Variants in IL1RAPL2 observed in about 807,000 individuals in gnomAD.
IL1RAPL2 encodes interleukin 1 receptor accessory protein like 2.
IL1RAPL2 carries 3 observed loss-of-function variants against 44.1 expected under a neutral mutation model. That is an observed-to-expected ratio of 0.07 (90% CI 0.03 to 0.18). The LOEUF (loss-of-function observed/expected upper bound fraction) is 0.18, where lower values mean the gene tolerates loss of function less well. Ranked by LOEUF, IL1RAPL2 falls within the 10% of genes least tolerant of loss-of-function variation. The pLI is 1.00. For synonymous variants in IL1RAPL2, 181 were observed against 178.8 expected, an observed-to-expected ratio of 1.01 and a Z score of -0.10; for missense variants, 391 against 496.4, an observed-to-expected ratio of 0.79 and a Z score of 2.02.
At chrX:105,429,011 C>A (rs934751078) in intron 5 of IL1RAPL2, among the ~76,000 whole-genome samples, 1 of 111,362 alleles carries the variant, frequency 9.0e-6, no homozygotes, top group Non-Finnish European at 1.9e-5. Flanking sequence ...CCGGAAATAT[C>A]TTGATCTGAA....
At chrX:104,731,454 A>ATGCAGTGGCGCAGTCTCTACTCAC (rs1330391891) in intron 2 of IL1RAPL2, among the ~76,000 whole-genome samples, 3 of 103,087 alleles carry the variant, frequency 2.9e-5, no homozygotes, top group African/African-American at 1.3e-4. Context: ...GCAGGCTGGA[A>ATGCAGTGGCGCAGTCTCTACTCAC]TGCAGTGGCG....
At chrX:104,835,767 G>A (rs998395891) in intron 2 of IL1RAPL2, among the ~76,000 whole-genome samples, 1 of 112,045 alleles carries the variant, frequency 8.9e-6, no homozygotes, top group African/African-American at 3.2e-5. Context: ...TACCTAAAAT[G>A]TTAACAGTGC....
At chrX:105,764,522 T>G (rs181308210) in intron 10 of IL1RAPL2, among the ~76,000 whole-genome samples, 1 of 112,255 alleles carries the variant, frequency 8.9e-6, no homozygotes, top group Non-Finnish European at 1.9e-5. Context: ...TGTATAGATA[T>G]AGCTTTAGTT....
chrX:105,227,937 T>A, intron 3 of IL1RAPL2, among the ~76,000 whole-genome samples: 1 of 112,053 alleles, frequency 8.9e-6, no homozygotes, highest in Non-Finnish European at 1.9e-5. Flanking sequence ...ATATTCTTTT[T>A]TCCCCCTTAT....
chrX:104,669,139 C>T (rs1338492658), intron 2 of IL1RAPL2, among the ~76,000 whole-genome samples: 1 of 111,487 alleles, frequency 9.0e-6, no homozygotes, highest in Non-Finnish European at 1.9e-5. Context: ...TTGTGCATTT[C>T]GCCCTCCCCA....
chrX:105,390,162 AC>A (rs1223756663), intron 5 of IL1RAPL2, among the ~76,000 whole-genome samples: 1 of 111,670 alleles, frequency 9.0e-6, no homozygotes, highest in Non-Finnish European at 1.9e-5. Context: ...AAGATAAGAT[AC>A]CATGCTCTTT....
chrX:105,088,559 A>G (rs2032504738), intron 2 of IL1RAPL2, among the ~76,000 whole-genome samples: 1 of 111,392 alleles, frequency 9.0e-6, no homozygotes, highest in Non-Finnish European at 1.9e-5. Context: ...ATCTATAAAG[A>G]TCAAAACCTG....
At chrX:104,941,011 G>C (rs769962126) in intron 2 of IL1RAPL2, among the ~76,000 whole-genome samples, 14 of 108,035 alleles carry the variant, frequency 1.3e-4, no homozygotes, top group African/African-American at 3.4e-4. Context: ...TTTGCTCCAT[G>C]TCCCTACAAA....
intron 2 of IL1RAPL2, among the ~76,000 whole-genome samples, chrX:105,043,752 A>G (rs1357198429): frequency 3.6e-5 from 4 of 110,780 alleles, no homozygotes; most frequent in Admixed American, 9.7e-5. Flanking sequence ...AAGGGAGGCA[A>G]TGGTCAATTG....
intron 2 of IL1RAPL2, among the ~76,000 whole-genome samples, chrX:104,668,087 A>C (rs1404484804): frequency 9.0e-6 from 1 of 111,191 alleles, no homozygotes; most frequent in African/African-American, 3.3e-5. Flanking sequence ...TTGAATATCA[A>C]GTGGCCTAAA....
intron 6 of IL1RAPL2, among the ~76,000 whole-genome samples, chrX:105,596,631 A>C (rs1433686137): frequency 8.9e-6 from 1 of 111,779 alleles, no homozygotes; most frequent in Non-Finnish European, 1.9e-5. Context: ...TGTTCATTCT[A>C]CTGCTGCTGG....
intron 2 of IL1RAPL2, among the ~76,000 whole-genome samples, chrX:104,686,952 T>C (rs1226181124): frequency 2.7e-5 from 3 of 112,593 alleles, no homozygotes; most frequent in Admixed American, 1.9e-4. Flanking sequence ...GATCCTGTGC[T>C]GAGCACTTGA....
chrX:105,434,721 A>C (rs1332114694), intron 5 of IL1RAPL2, among the ~76,000 whole-genome samples: 1 of 111,701 alleles, frequency 9.0e-6, no homozygotes, highest in Non-Finnish European at 1.9e-5. Flanking sequence ...GTTTAATTAG[A>C]TCCCATTTGT....
intron 5 of IL1RAPL2, among the ~76,000 whole-genome samples, chrX:105,465,651 C>T (rs766973508): frequency 4.5e-5 from 5 of 111,483 alleles, no homozygotes; most frequent in Non-Finnish European, 7.5e-5. Flanking sequence ...TTCACTTACC[C>T]CTGAATTTTA....
At chrX:104,718,688 A>G (rs1319113939) in intron 2 of IL1RAPL2, among the ~76,000 whole-genome samples, 2 of 111,488 alleles carry the variant, frequency 1.8e-5, no homozygotes, top group Non-Finnish European at 3.8e-5. Flanking sequence ...TCTTTTGTTT[A>G]TAAATTATGC....
intron 2 of IL1RAPL2, among the ~76,000 whole-genome samples, chrX:104,999,689 C>T (rs2030816862): frequency 9.0e-6 from 1 of 110,515 alleles, no homozygotes; most frequent in African/African-American, 3.3e-5. Context: ...TTTATGTTTG[C>T]TTACAGGCTC....
At chrX:105,013,849 G>T (rs1602889834) in intron 2 of IL1RAPL2, among the ~76,000 whole-genome samples, 1 of 111,478 alleles carries the variant, frequency 9.0e-6, no homozygotes, top group Non-Finnish European at 1.9e-5. Flanking sequence ...ATAATCAGTG[G>T]CTCAGTACAT....
In IL1RAPL2 at chrX:105,078,084, G is replaced by A. The variant is rs779399189; in HGVS notation, c.83-117391G>A. Among the ~76,000 whole-genome samples the A allele has an allele frequency of 4.5e-3, 506 of 111,970 alleles. 3 individuals are homozygous for A. The highest frequency in any genetic ancestry group is 0.016 in the African/African-American group (481 of 30,820). The stretch of plus-strand genomic sequence containing the variant: ...TGTTCCGTTGCTGGTGAGGAGCTGC[G>A]TTCCTTTGGAGGAGGAGAGGCACTC... On this transcript the variant is annotated intron_variant, in intron 2 of 10. Transcript: ENST00000372582.
At chrX:105,688,226 A>G (rs962988558) in intron 6 of IL1RAPL2, among the ~76,000 whole-genome samples, 8 of 111,850 alleles carry the variant, frequency 7.2e-5, no homozygotes, top group African/African-American at 2.6e-4. Context: ...GGCAAGGGCA[A>G]TCAGGCAAGA....
Sources: gnomAD v4.1 joint callset for allele counts (sites outside exome capture counted in the v4.1 genomes callset) on GRCh38, gnomAD v4.1.1 for gene constraint, MANE v1.5 for transcripts, NCBI Gene and HGNC (gene_info 2026-07-23, HGNC 2026-07-21) for gene names.